CDC42EP4: variants seen among roughly 807,000 people sequenced by gnomAD.
The protein encoded by CDC42EP4 is CDC42 effector protein (Rho GTPase binding) 4.
Under a neutral mutation model 5.6 loss-of-function variants are expected in CDC42EP4, and 6 were observed. The observed-to-expected ratio is 1.07, with a 90% CI of 0.59 to 2.12. The LOEUF (loss-of-function observed/expected upper bound fraction) is 2.12, where lower values mean the gene tolerates loss of function less well. Among genes scored for constraint, CDC42EP4 ranks in the 30% most tolerant of loss-of-function variants. The pLI is 0.00. For missense variants in CDC42EP4, 490 were observed against 508.6 expected, an observed-to-expected ratio of 0.96 and a Z score of 0.35; for synonymous variants, 230 against 224.2, an observed-to-expected ratio of 1.03 and a Z score of -0.23.
At chr17:73,297,452 C>CAA in intron 1 of CDC42EP4, among the ~76,000 whole-genome samples, 1 of 151,660 alleles carries the variant, frequency 6.6e-6, no homozygotes, top group Admixed American at 6.6e-5. Flanking sequence ...CCAGCTTGGG[C>CAA]AATAGAGTGA....
At chr17:73,292,490 A>G (rs2062166113) in intron 1 of CDC42EP4, among the ~76,000 whole-genome samples, 1 of 139,186 alleles carries the variant, frequency 7.2e-6, no homozygotes. Context: ...GCACGTGTGT[A>G]GTGTGAGTGT....
chr17:73,286,318 G>A lies in CDC42EP4; in HGVS notation c.183C>T (p.Asp61=), dbSNP rs140564848. The change falls in exon 2 of 2, where the codon GAC becomes GAT. Residue 61 remains aspartate (D), a synonymous_variant. Coordinates refer to ENST00000335793, the MANE Select transcript of CDC42EP4 (RefSeq NM_012121.5). This position sits in a 1 kb window ranked among gnomAD's most constrained non-coding sequence, Gnocchi z 7.7. ...SFLNSKAGEP[D]GESLDEQPSS... Reference sequence around the variant, plus strand: ...AGGGCTGTTCGTCCAAGGACTCGCCGTCGGGCTCGCCAGCCTTGCTATTGA... The same window carrying A: ...AGGGCTGTTCGTCCAAGGACTCGCCATCGGGCTCGCCAGCCTTGCTATTGA... The A allele has an allele frequency of 1.1e-4, 185 of 1,614,176 alleles. 1 individual carries two copies. The highest frequency in any genetic ancestry group is 3.8e-4 in the Admixed American group (23 of 60,036).
intron 1 of CDC42EP4, among the ~76,000 whole-genome samples, chr17:73,287,282 A>C (rs1219600103): frequency 6.6e-6 from 1 of 152,076 alleles, no homozygotes; most frequent in Non-Finnish European, 1.5e-5. Context: ...TATCCCATAA[A>C]TGAGGATCCC....
chr17:73,291,479 G>A (rs1407200211), intron 1 of CDC42EP4, among the ~76,000 whole-genome samples: 13 of 152,310 alleles, frequency 8.5e-5, no homozygotes, highest in South Asian at 2.1e-4. Flanking sequence ...TGGAGGTGAC[G>A]AGCTGGATCA....
At chr17:73,291,810 C>T (rs1246166273) in intron 1 of CDC42EP4, among the ~76,000 whole-genome samples, 3 of 152,198 alleles carry the variant, frequency 2.0e-5, no homozygotes, top group Admixed American at 1.3e-4. Context: ...TTCCTCTACC[C>T]TCAGCCCACT....
chr17:73,286,191 CCAG>C lies in CDC42EP4; in HGVS notation c.307_309del (p.Leu103del). ...AACAGGGCCGAGTCCCGCAGGGAGC[CCAG>C]CATGTCACGCTGCTCCCGCTCCCCC... On this transcript the variant is annotated inframe_deletion, in exon 2 of 2. Coordinates refer to ENST00000335793, the MANE Select transcript of CDC42EP4 (RefSeq NM_012121.5). This position sits in a 1 kb window ranked among gnomAD's most constrained non-coding sequence, Gnocchi z 7.7. The C allele has an allele frequency of 6.8e-6, 11 of 1,614,152 alleles. No individual in the cohort carries two copies. Among genetic ancestry groups the C allele is most frequent in the Non-Finnish European group, 9.3e-6 (11 of 1,180,040 alleles).
At chr17:73,305,222 G>T (rs1017879277) in intron 1 of CDC42EP4, among the ~76,000 whole-genome samples, 1 of 152,194 alleles carries the variant, frequency 6.6e-6, no homozygotes, top group African/African-American at 2.4e-5. Flanking sequence ...TGTGCTTCCC[G>T]GAGCCACCAC....
chr17:73,309,038 C>CAAAAAAAAAAAA (rs57714877), intron 1 of CDC42EP4, among the ~76,000 whole-genome samples: 2,824 of 33,890 alleles, frequency 0.083, 630 homozygotes, highest in East Asian at 0.14. Context: ...GCTCTGTCTC[C>CAAAAAAAAAAAA]AAAAAAAAAA....
intron 1 of CDC42EP4, among the ~76,000 whole-genome samples, chr17:73,303,662 CAAAAA>C (rs542149787): frequency 3.6e-5 from 3 of 83,924 alleles, no homozygotes; most frequent in Middle Eastern, 7.2e-3. Context: ...ACTCTGTCTC[CAAAAA>C]AAAAAAAAAA....
rs149950431 is a variant in CDC42EP4 at position 73,285,953 on chromosome 17, G to A, written c.548C>T (p.Ala183Val). The A allele has an allele frequency of 1.2e-6, 2 of 1,613,686 alleles. No homozygotes were observed. Among genetic ancestry groups the A allele is most frequent in the Non-Finnish European group, 1.7e-6 (2 of 1,180,004 alleles). ...HSPDPLLDEQ[A>V]FGDLTDLPVV... ...AGGCAGATCTGTCAGATCCCCAAAG[G>A]CCTGCTCATCGAGGAGGGGGTCAGG... The change falls in exon 2 of 2, where the codon GCC becomes GTC. Residue 183 changes from alanine to valine, a missense_variant. Physicochemically the swap from Ala to Val is moderately conservative, Grantham distance 64. Transcript: ENST00000335793. The surrounding 1 kb of genome is among the most constrained non-coding windows in gnomAD (Gnocchi z 6.8).
chr17:73,288,894 C>T (rs1424104302), intron 1 of CDC42EP4, among the ~76,000 whole-genome samples: 2 of 152,206 alleles, frequency 1.3e-5, no homozygotes, highest in African/African-American at 2.4e-5. Flanking sequence ...GGGAGCCAGG[C>T]ACCTGGCAGA....
At chr17:73,290,901 C>T (rs983667688) in intron 1 of CDC42EP4, among the ~76,000 whole-genome samples, 1 of 152,212 alleles carries the variant, frequency 6.6e-6, no homozygotes, top group African/African-American at 2.4e-5. Context: ...CCCCAGGACT[C>T]ACCAGAGAAG....
chr17:73,292,270 C>T lies in CDC42EP4; in HGVS notation c.-112-5658G>A, dbSNP rs183547874. On this transcript the variant is annotated intron_variant, in intron 1 of 1. Transcript: ENST00000335793. Reference sequence around the variant, plus strand: ...CCCCTAGCTGTTCTAACCAACCACCCGATGCCAGGTCCAGGCAATGTGGCC... The same window carrying T: ...CCCCTAGCTGTTCTAACCAACCACCTGATGCCAGGTCCAGGCAATGTGGCC... Among the ~76,000 whole-genome samples, 7 of 152,364 alleles carry T rather than the reference C, an allele frequency of 4.6e-5. No individual in the cohort carries two copies. The East Asian group carries it at 5.8e-4, about 13-fold the overall frequency.
At chr17:73,311,632 C>G (rs974902371) in intron 1 of CDC42EP4, 6 of 152,390 alleles carry the variant, frequency 3.9e-5, no homozygotes, top group Non-Finnish European at 7.3e-5. Flanking sequence ...GCGCCCGGCT[C>G]CCTGCCACCT....
At chr17:73,299,456 C>G (rs1341667187) in intron 1 of CDC42EP4, among the ~76,000 whole-genome samples, 1 of 148,802 alleles carries the variant, frequency 6.7e-6, no homozygotes, top group African/African-American at 2.5e-5. Context: ...CACACACACA[C>G]ACACACACAC....
chr17:73,299,456 C>T (rs1341667187), intron 1 of CDC42EP4, among the ~76,000 whole-genome samples: 109 of 148,894 alleles, frequency 7.3e-4, no homozygotes, highest in African/African-American at 2.4e-3. Flanking sequence ...CACACACACA[C>T]ACACACACAC....
rs868351649 is a variant in CDC42EP4 at position 73,287,522 on chromosome 17, C to T, written c.-112-910G>A. Among the ~76,000 whole-genome samples, 9 of 152,198 alleles carry T rather than the reference C, an allele frequency of 5.9e-5. No individual in the cohort carries two copies. In the South Asian group the frequency reaches 6.2e-4, roughly 11 times the overall value. On this transcript the variant is annotated intron_variant, in intron 1 of 1. Coordinates refer to ENST00000335793, the MANE Select transcript of CDC42EP4 (RefSeq NM_012121.5). ...GAGGTAGAGCCCAGGAGCCTGGAGGCACCACTCTCACAGCTCCTGACAAGG... is the reference window on the plus strand; with the variant it reads ...GAGGTAGAGCCCAGGAGCCTGGAGGTACCACTCTCACAGCTCCTGACAAGG...
chr17:73,288,976 C>G (rs2062147376), intron 1 of CDC42EP4, among the ~76,000 whole-genome samples: 1 of 152,208 alleles, frequency 6.6e-6, no homozygotes, highest in African/African-American at 2.4e-5. Context: ...GGTCATAGGT[C>G]AGCTCTCTCT....
Position 73,286,630 on chromosome 17 carries a change from G to C in CDC42EP4, c.-112-18C>G. 1.5e-6 allele frequency: 1 copy of C among 678,456 alleles called. No individual in the cohort carries two copies. Among genetic ancestry groups the C allele is most frequent in the Non-Finnish European group, 2.4e-6 (1 of 408,840 alleles). 42.0% of individuals were successfully genotyped at this position (678,456 alleles called of 1,614,324 possible). A position where few individuals can be genotyped will look rare whatever the true frequency, so the allele number is the denominator to read the frequency against. On this transcript the variant is annotated intron_variant, in intron 1 of 1. Transcript: ENST00000335793. This position sits in a 1 kb window ranked among gnomAD's most constrained non-coding sequence, Gnocchi z 7.7. ...TCATAAGGCTGCAAGCAGAGAATGAGAGGCAAAGGATTAACGCGGGCTGGC... is the reference window on the plus strand; with the variant it reads ...TCATAAGGCTGCAAGCAGAGAATGACAGGCAAAGGATTAACGCGGGCTGGC...
Sources: gnomAD v4.1 joint callset for allele counts (sites outside exome capture counted in the v4.1 genomes callset) on GRCh38, gnomAD v4.1.1 for gene constraint, Gnocchi (gnomAD v3.1) non-coding constraint, MANE v1.5 for transcripts, NCBI Gene and HGNC (gene_info 2026-07-23, HGNC 2026-07-21) for gene names.